Variants in TMEM120B observed in about 807,000 individuals in gnomAD.
TMEM120B encodes transmembrane protein 120B.
In TMEM120B, 31 loss-of-function variants were observed where a neutral mutation model predicts 55.5. The observed-to-expected ratio is 0.56, with a 90% CI of 0.42 to 0.75. The LOEUF is 0.75. TMEM120B is among the 30% of genes least tolerant of loss of function. The pLI is 0.00. For synonymous variants in TMEM120B, 203 were observed against 176.3 expected (o/e 1.15, Z -1.20); for missense variants, 399 against 425.5 (o/e 0.94, Z 0.55).
chr12:121,775,838 C>A lies in TMEM120B; in HGVS notation c.*116C>A, dbSNP rs778348701. 10 of 982,414 alleles carry A rather than the reference C, an allele frequency of 1.0e-5. No individual in the cohort carries two copies. In the African/African-American group the frequency reaches 1.6e-4, roughly 16 times the overall value. 60.9% of individuals were successfully genotyped at this position (982,414 alleles called of 1,614,324 possible). On this transcript the variant is annotated 3_prime_UTR_variant, in exon 12 of 12. Transcript: ENST00000449592. The surrounding 1 kb of genome is among the most constrained non-coding windows in gnomAD (Gnocchi z 4.3). ...CTGGGAGAGGGCCCAGGCCCTGGTC[C>A]CCCAGTGGACCCCAGTGGTCTAGAG...
intron 1 of TMEM120B, among the ~76,000 whole-genome samples, chr12:121,723,846 G>A (rs1219540445): frequency 6.6e-6 from 1 of 151,960 alleles, no homozygotes; most frequent in Non-Finnish European, 1.5e-5. Context: ...TCTGACACTC[G>A]GACTAGAGTG....
In TMEM120B at chr12:121,780,585, C is replaced by T. The variant is rs1156524538; in HGVS notation, c.*4863C>T. The T allele has an allele frequency of 9.6e-6, 5 of 520,842 alleles. No individual in the cohort carries two copies. Among genetic ancestry groups the T allele is most frequent in the Non-Finnish European group, 1.7e-5 (5 of 296,470 alleles). The allele number at this position is 520,842 out of a possible 1,614,324, so 32.3% of individuals were successfully genotyped here. A position where few individuals can be genotyped will look rare whatever the true frequency, so the allele number is the denominator to read the frequency against. On this transcript the variant is annotated 3_prime_UTR_variant, in exon 12 of 12. Transcript: ENST00000449592. ...GACCAGATCCTGGCTCCACTTCTCG[C>T]TAGCTGTGTGGCCCTGGGCAAGCTG... is the stretch of plus-strand genomic sequence containing the variant.
chr12:121,729,851 G>A (rs1332848227), intron 1 of TMEM120B, among the ~76,000 whole-genome samples: 3 of 152,078 alleles, frequency 2.0e-5, no homozygotes, highest in Non-Finnish European at 4.4e-5. Flanking sequence ...CCATGCTCAC[G>A]GCAGCACTAT....
Position 121,775,912 on chromosome 12 carries a change from C to G in TMEM120B, c.*190C>G. ...ACAGTGTCCGCCCACCTATTTATGA[C>G]ATATTTAATGCTGGGTCCCCCATCG... On this transcript the variant is annotated 3_prime_UTR_variant, in exon 12 of 12. Coordinates refer to ENST00000449592, the MANE Select transcript of TMEM120B (RefSeq NM_001080825.2). This position sits in a 1 kb window ranked among gnomAD's most constrained non-coding sequence, Gnocchi z 4.3. 1 of 648,870 alleles carries G rather than the reference C, an allele frequency of 1.5e-6. No homozygotes were observed. Among genetic ancestry groups the G allele is most frequent in the East Asian group, 2.7e-5 (1 of 36,486 alleles). 40.2% of individuals were successfully genotyped at this position (648,870 alleles called of 1,614,324 possible).
chr12:121,775,408 CGCCCCATCGA>C lies in TMEM120B; in HGVS notation c.907-196_907-187del. 2.0e-6 allele frequency: 2 copies of C among 983,268 alleles called. No individual in the cohort carries two copies. Among genetic ancestry groups the C allele is most frequent in the South Asian group, 9.4e-5 (2 of 21,254 alleles). The allele number at this position is 983,268 out of a possible 1,614,324, so 60.9% of individuals were successfully genotyped here. On this transcript the variant is annotated intron_variant, in intron 11 of 11. Coordinates refer to ENST00000449592, the MANE Select transcript of TMEM120B (RefSeq NM_001080825.2). The surrounding 1 kb of genome is among the most constrained non-coding windows in gnomAD (Gnocchi z 4.3). ...CCAATCTGTGGATCCCAAGGAGGTT[CGCCCCATCGA>C]GCCCTTCCCAGGCCCTGCCCAAGCC...
rs756617196 is a variant in TMEM120B at position 121,759,047 on chromosome 12, G to T, written c.462-2602G>T. The T allele has an allele frequency of 1.6e-4, 157 of 984,200 alleles. 1 individual carries two copies. The highest frequency in any genetic ancestry group is 1.9e-4 in the Non-Finnish European group (154 of 829,070). 61.0% of individuals were successfully genotyped at this position (984,200 alleles called of 1,614,324 possible). On this transcript the variant is annotated intron_variant, in intron 5 of 11. Transcript: ENST00000449592. ...TTTTATATATGTAACAAAGTTTACA[G>T]ATGGTTTAAGGGGACACAGGGAGTT...
chr12:121,731,528 A>G (rs1322038150), intron 1 of TMEM120B, among the ~76,000 whole-genome samples: 2 of 152,210 alleles, frequency 1.3e-5, no homozygotes, highest in African/African-American at 4.8e-5. Context: ...ACATTTAGAT[A>G]CATGAATACT....
At chr12:121,768,194 G>A (rs1242115927) in intron 6 of TMEM120B, among the ~76,000 whole-genome samples, 1 of 152,154 alleles carries the variant, frequency 6.6e-6, no homozygotes, top group Non-Finnish European at 1.5e-5. Flanking sequence ...CCCCATGACC[G>A]CACGTGGCAC....
At position 121,748,404 on chromosome 12, in the gene TMEM120B, C is replaced by T. The variant is rs1320067318; in HGVS notation, c.267C>T (p.Val89=). The T allele has an allele frequency of 1.2e-6, 2 of 1,610,974 alleles. No homozygotes were observed. The highest frequency in any genetic ancestry group is 1.7e-6 in the Non-Finnish European group (2 of 1,178,646). Reference sequence around the variant, plus strand: ...CGAACATCAAGGAGCGGCAGGACGTCTTCTTCGACATGGAGGCCTACCTGC... The same window carrying T: ...CGAACATCAAGGAGCGGCAGGACGTTTTCTTCGACATGGAGGCCTACCTGC... ...MAANIKERQD[V]FFDMEAYLPK... is the part of the protein sequence containing the mutation. Residue 89 remains valine (V), a synonymous_variant, in exon 3 of 12, where the codon GTC becomes GTT. Coordinates refer to ENST00000449592, the MANE Select transcript of TMEM120B (RefSeq NM_001080825.2).
rs143374168 is a variant in TMEM120B, at chr12:121,760,827, C to G, written c.462-822C>G. Among the ~76,000 whole-genome samples the G allele has an allele frequency of 1.7e-4, 26 of 152,256 alleles. No individual in the cohort carries two copies. In the East Asian group the frequency reaches 4.6e-3, roughly 27 times the overall value. On this transcript the variant is annotated intron_variant, in intron 5 of 11. Transcript: ENST00000449592. ...GCCCTGTTTATATCTGATTAGCTACCTACTCTAACTCTCTAACATCACAGA... is the reference window on the plus strand; with the variant it reads ...GCCCTGTTTATATCTGATTAGCTACGTACTCTAACTCTCTAACATCACAGA...
At chr12:121,750,852 A>C (rs1873272304) in intron 4 of TMEM120B, among the ~76,000 whole-genome samples, 1 of 85,094 alleles carries the variant, frequency 1.2e-5, no homozygotes, top group Admixed American at 1.3e-4. Flanking sequence ...TCCACACCCC[A>C]TACCCACACC....
chr12:121,730,846 T>C (rs1894988315), intron 1 of TMEM120B, among the ~76,000 whole-genome samples: 1 of 150,510 alleles, frequency 6.6e-6, no homozygotes, highest in Non-Finnish European at 1.5e-5. Context: ...TAATCCCAGC[T>C]ACTCGGGAGG....
At chr12:121,759,870 C>T (rs1042124822) in intron 5 of TMEM120B, among the ~76,000 whole-genome samples, 12 of 151,914 alleles carry the variant, frequency 7.9e-5, no homozygotes, top group Admixed American at 6.6e-5. Context: ...CGATAACTCA[C>T]CCCTGTAATC....
At chr12:121,769,524 A>G (rs1382865797) in intron 6 of TMEM120B, among the ~76,000 whole-genome samples, 1 of 151,962 alleles carries the variant, frequency 6.6e-6, no homozygotes, top group South Asian at 2.1e-4. Context: ...GGGGCAACAT[A>G]GCAAGACCCT....
Position 121,755,985 on chromosome 12 carries a change from C to T in TMEM120B, c.461+3762C>T, listed in dbSNP as rs553073881. On this transcript the variant is annotated intron_variant, in intron 5 of 11. Transcript: ENST00000449592. ...CGGGTTCTGGTAGTTGGAAGTCATGCCGACAGGGATGTGGTAAGTGCACCT... is the reference window on the plus strand; with the variant it reads ...CGGGTTCTGGTAGTTGGAAGTCATGTCGACAGGGATGTGGTAAGTGCACCT... Among the ~76,000 whole-genome samples, 33 of 152,100 alleles carry T rather than the reference C, an allele frequency of 2.2e-4. No individual in the cohort carries two copies. In the Middle Eastern group the frequency reaches 0.01, roughly 47 times the overall value.
chr12:121,762,375 A>G (rs1873708820), intron 6 of TMEM120B, among the ~76,000 whole-genome samples: 1 of 151,984 alleles, frequency 6.6e-6, no homozygotes, highest in Non-Finnish European at 1.5e-5. Context: ...TGTTTATCTC[A>G]GGCTGCTATT....
Position 121,773,348 on chromosome 12 carries a change from T to C in TMEM120B, c.680-73T>C, listed in dbSNP as rs1407747093. 8 of 1,399,892 alleles carry C rather than the reference T, an allele frequency of 5.7e-6. No homozygotes were observed. The African/African-American group carries it at 1.1e-4, about 20-fold the overall frequency. 86.7% of individuals were successfully genotyped at this position (1,399,892 alleles called of 1,614,324 possible). A position where few individuals can be genotyped will look rare whatever the true frequency, so the allele number is the denominator to read the frequency against. On this transcript the variant is annotated intron_variant, in intron 8 of 11. Transcript: ENST00000449592. ...CAGTAAAGACCCATCAGCCTGTGCT[T>C]GGGGCAGAGAGGTGTGGCCCTGTCT... is the stretch of plus-strand genomic sequence containing the variant.
At chr12:121,731,740 A>G (rs1201205362) in intron 1 of TMEM120B, among the ~76,000 whole-genome samples, 1 of 152,230 alleles carries the variant, frequency 6.6e-6, no homozygotes, top group Admixed American at 6.5e-5. Flanking sequence ...GTATGAGTGT[A>G]ATGCCATCGC....
intron 1 of TMEM120B, among the ~76,000 whole-genome samples, chr12:121,717,050 G>A (rs937508303): frequency 1.3e-5 from 2 of 152,154 alleles, no homozygotes; most frequent in Non-Finnish European, 2.9e-5. Context: ...TGAACCCTGG[G>A]GCACAGTTGA....
Sources: gnomAD v4.1 joint callset for allele counts (sites outside exome capture counted in the v4.1 genomes callset) on GRCh38, gnomAD v4.1.1 for gene constraint, Gnocchi (gnomAD v3.1) non-coding constraint, MANE v1.5 for transcripts, NCBI Gene and HGNC (gene_info 2026-07-23, HGNC 2026-07-21) for gene names.